Variants in RAD54B observed in about 807,000 individuals in gnomAD.
RAD54B encodes DNA repair and recombination protein RAD54B.
In RAD54B, 78 loss-of-function variants were observed where a neutral mutation model predicts 95.8. The ratio of observed to expected loss-of-function variants is 0.81; its 90% confidence interval spans 0.68 to 0.98. The LOEUF is 0.98. Ranked by LOEUF, RAD54B falls within the 50% of genes least tolerant of loss-of-function variation. The probability of loss-of-function intolerance (pLI) is 0.00; values close to 1 mark genes in which losing one functional copy is unlikely to be tolerated. For synonymous variants in RAD54B, 328 were observed against 354.9 expected, an observed-to-expected ratio of 0.92 and a Z score of 0.85; for missense variants, 957 against 1,056.6, an observed-to-expected ratio of 0.91 and a Z score of 1.31.
At chr8:94,390,722 C>A (rs1337561632) in intron 10 of RAD54B, among the ~76,000 whole-genome samples, 1 of 151,650 alleles carries the variant, frequency 6.6e-6, no homozygotes, top group Non-Finnish European at 1.5e-5. Context: ...TAATAAAGCA[C>A]TTAGTGATTG....
At position 94,407,808 on chromosome 8, in the gene RAD54B, A is replaced by G. The variant is rs531848096; in HGVS notation, c.500-88T>C. On this transcript the variant is annotated intron_variant, in intron 4 of 14. Transcript: ENST00000336148. ...ACTGTACAAAAAAACTGCACTTTGA[A>G]TGTAAATAGTCTTATATAATGCATT... 5.9e-5 allele frequency: 65 copies of G among 1,109,754 alleles called. No individual in the cohort carries two copies. The East Asian group carries it at 1.6e-3, about 27-fold the overall frequency. 68.7% of individuals were successfully genotyped at this position (1,109,754 alleles called of 1,614,324 possible).
intron 11 of RAD54B, among the ~76,000 whole-genome samples, chr8:94,383,957 C>T (rs1409221841): frequency 2.6e-5 from 4 of 152,108 alleles, no homozygotes. Flanking sequence ...CTATGAAAAA[C>T]AGTATGGCAG....
rs1811081364 is a variant in RAD54B at position 94,393,884 on chromosome 8, T to C, written c.1379-2A>G. On this transcript the variant is annotated splice_acceptor_variant, in intron 8 of 14. Coordinates refer to ENST00000336148, the MANE Select transcript of RAD54B (RefSeq NM_012415.3). LOFTEE classifies it high-confidence loss of function. ...GCAGATCATTCTGAATTGGAGTACC[T>C]AAAGAGAGACAAAAATGAGTAAAAG... 6.3e-7 allele frequency: 1 copy of C among 1,580,632 alleles called. No homozygotes were observed. The highest frequency in any genetic ancestry group is 8.6e-7 in the Non-Finnish European group (1 of 1,167,766).
chr8:94,473,095 T>C lies in RAD54B; in HGVS notation c.-17+1906A>G, dbSNP rs373422125. The stretch of plus-strand genomic sequence containing the variant: ...CAGTACATTTCCCCCCAAAAGACCA[T>C]TGCACCCTTATAGCTTTTTAAACTG... On this transcript the variant is annotated intron_variant, in intron 1 of 14. Coordinates refer to ENST00000336148, the MANE Select transcript of RAD54B (RefSeq NM_012415.3). 1.1e-3 allele frequency among the ~76,000 whole-genome samples: 160 copies of C among 152,244 alleles called. 1 individual carries two copies. Among genetic ancestry groups the C allele is most frequent in the African/African-American group, 3.1e-3 (130 of 41,560 alleles).
intron 3 of RAD54B, among the ~76,000 whole-genome samples, chr8:94,426,159 G>A (rs1811937365): frequency 6.6e-6 from 1 of 151,690 alleles, no homozygotes; most frequent in South Asian, 2.1e-4. Flanking sequence ...CACCATGGTG[G>A]CCAGGCTGGT....
At chr8:94,458,587 C>T (rs1481943335) in intron 2 of RAD54B, 151 bp from the exon 3 acceptor site, 3 of 615,780 alleles carry the variant, frequency 4.9e-6, no homozygotes, top group Non-Finnish European at 7.5e-6. Context: ...TTAATATCTG[C>T]TGGGCATGGT....
intron 3 of RAD54B, chr8:94,429,754 A>G: frequency 1.0e-6 from 1 of 984,716 alleles, no homozygotes; most frequent in Non-Finnish European, 1.2e-6. Context: ...GGACATCTTT[A>G]TAATTAAAGA....
chr8:94,411,025 C>T (rs1015283834), intron 4 of RAD54B, 96 bp downstream of exon 4: 1 of 892,412 alleles, frequency 1.1e-6, no homozygotes, highest in Non-Finnish European at 1.7e-6. Context: ...AATACCTTAT[C>T]ATCTCTTTAT....
chr8:94,443,948 TA>T (rs1025534860), intron 3 of RAD54B, among the ~76,000 whole-genome samples: 4 of 152,006 alleles, frequency 2.6e-5, no homozygotes, highest in African/African-American at 9.7e-5. Flanking sequence ...TATCAATAAA[TA>T]AAAATAAACT....
At chr8:94,456,351 C>T (rs984728060) in intron 3 of RAD54B, among the ~76,000 whole-genome samples, 3 of 152,092 alleles carry the variant, frequency 2.0e-5, no homozygotes, top group African/African-American at 7.2e-5. Flanking sequence ...GCAAAAATGA[C>T]ATTAACAATG....
At chr8:94,440,226 T>C (rs1812368152) in intron 3 of RAD54B, among the ~76,000 whole-genome samples, 1 of 151,864 alleles carries the variant, frequency 6.6e-6, no homozygotes. Flanking sequence ...CAGAGCTTAG[T>C]CCTCAATGCA....
At chr8:94,411,412 T>C in intron 3 of RAD54B, 97 bp from the exon 4 acceptor site, 1 of 895,572 alleles carries the variant, frequency 1.1e-6, no homozygotes, top group South Asian at 2.1e-5. Context: ...GAAAATTAGA[T>C]TATATTAAGA....
chr8:94,420,377 T>C (rs1563649951), intron 3 of RAD54B, among the ~76,000 whole-genome samples: 1 of 148,516 alleles, frequency 6.7e-6, no homozygotes, highest in Non-Finnish European at 1.5e-5. Context: ...CACCTCAGCA[T>C]CCTGAGTAGC....
intron 1 of RAD54B, among the ~76,000 whole-genome samples, chr8:94,468,820 C>T (rs1405405962): frequency 6.6e-6 from 1 of 151,564 alleles, no homozygotes; most frequent in Non-Finnish European, 1.5e-5. Flanking sequence ...CAGCGAGACT[C>T]TGTCTCAAAA....
chr8:94,460,971 G>C (rs1206036655), intron 2 of RAD54B, among the ~76,000 whole-genome samples: 2 of 151,820 alleles, frequency 1.3e-5, no homozygotes, highest in Non-Finnish European at 2.9e-5. Flanking sequence ...CCCATCTCAA[G>C]GTCCTTAACA....
Position 94,452,217 on chromosome 8 carries a change from AC to A in RAD54B, c.304+6050del, listed in dbSNP as rs560428718. Among the ~76,000 whole-genome samples, 25 of 152,342 alleles carry A rather than the reference AC, an allele frequency of 1.6e-4. No individual in the cohort carries two copies. In the South Asian group the frequency reaches 5.0e-3, roughly 30 times the overall value. ...AAAGCCCTCACCTCCTAATATTAAT[AC>A]CATCACATTAGTGCTTAGGTTTCTA... is the stretch of plus-strand genomic sequence containing the variant. On this transcript the variant is annotated intron_variant, in intron 3 of 14. Transcript: ENST00000336148.
At chr8:94,471,594 A>G (rs1286949367) in intron 1 of RAD54B, among the ~76,000 whole-genome samples, 1 of 152,168 alleles carries the variant, frequency 6.6e-6, no homozygotes, top group African/African-American at 2.4e-5. Flanking sequence ...GATATAATAT[A>G]CATGTTATAT....
intron 14 of RAD54B, among the ~76,000 whole-genome samples, chr8:94,374,274 G>C (rs1245360121): frequency 6.8e-6 from 1 of 147,114 alleles, no homozygotes; most frequent in Non-Finnish European, 1.5e-5. Flanking sequence ...GCAAGACTCC[G>C]TCTCAAAAAA....
At chr8:94,376,137 AAAAC>A (rs1810563923) in intron 14 of RAD54B, among the ~76,000 whole-genome samples, 1 of 152,190 alleles carries the variant, frequency 6.6e-6, no homozygotes, top group Non-Finnish European at 1.5e-5. Context: ...TTCCATGCAC[AAAAC>A]AAACATTTAC....
Sources: allele counts gnomAD v4.1 joint callset (sites outside exome capture counted in the v4.1 genomes callset), GRCh38; gene constraint gnomAD v4.1.1; transcripts MANE v1.5; gene names NCBI Gene and HGNC (gene_info 2026-07-23, HGNC 2026-07-21).